Variants in DDX17 observed in about 807,000 individuals in gnomAD.
The protein encoded by DDX17 is DEAD-box helicase 17, also known as probable ATP-dependent RNA helicase DDX17.
Under a neutral mutation model 80.8 loss-of-function variants are expected in DDX17, and 10 were observed. The ratio of observed to expected loss-of-function variants is 0.12; its 90% CI spans 0.08 to 0.21. The LOEUF is 0.21. DDX17 is among the 10% of genes least tolerant of loss of function. The pLI is 1.00. For synonymous variants in DDX17, 339 were observed against 336.2 expected, an observed-to-expected ratio of 1.01 and a Z score of -0.09; for missense variants, 586 against 957.4, an observed-to-expected ratio of 0.61 and a Z score of 5.12.
At chr22:38,493,183 T>C (rs1261647050) in intron 10 of DDX17, among the ~76,000 whole-genome samples, 1 of 152,160 alleles carries the variant, frequency 6.6e-6, no homozygotes, top group Non-Finnish European at 1.5e-5. Context: ...TGTCTGAACA[T>C]AGCCACGTTT....
At chr22:38,496,331 A>G (rs1253132315) in intron 5 of DDX17, among the ~76,000 whole-genome samples, 5 of 152,142 alleles carry the variant, frequency 3.3e-5, no homozygotes, top group Non-Finnish European at 7.4e-5. Context: ...TGAGGATCAT[A>G]TTGGTCCTCA....
In DDX17 at chr22:38,498,494, A is replaced by G; in HGVS notation, c.618T>C (p.Leu206=). 1 of 1,614,140 alleles carries G rather than the reference A, an allele frequency of 6.2e-7. No individual in the cohort carries two copies. Among genetic ancestry groups the G allele is most frequent in the Non-Finnish European group, 8.5e-7 (1 of 1,180,012 alleles). Residue 206 remains leucine, a synonymous_variant, in exon 4 of 13, where the codon CTT becomes CTC. Transcript: ENST00000403230. ...CAATGCCCACCATATCCCGGCCACT[A>G]AGAGCCAACGGAAATCCCTGGCACT...
intron 11 of DDX17, chr22:38,491,795 G>A (rs1403045724): frequency 7.9e-6 from 3 of 379,590 alleles, no homozygotes; most frequent in Non-Finnish European, 1.4e-5. Flanking sequence ...TCATGCCTAG[G>A]CCTTGCTGCA....
intron 11 of DDX17, chr22:38,488,328 G>A: frequency 7.0e-7 from 1 of 1,434,492 alleles, no homozygotes; most frequent in Non-Finnish European, 9.1e-7. Flanking sequence ...TAGGAAATAG[G>A]ATCTTTATTG....
chr22:38,485,695 T>TA lies in DDX17; in HGVS notation c.*239_*240insT, dbSNP rs1491238682. The stretch of plus-strand genomic sequence containing the variant: ...AGTCAGCTATATATATATATATATA[T>TA]TTTTTTTTTTTTTACAAAATGTTAT... On this transcript the variant is annotated 3_prime_UTR_variant, in exon 13 of 13. Transcript: ENST00000403230. 0.024 allele frequency: 191 copies of TA among 7,970 alleles called. 1 individual carries two copies. Among genetic ancestry groups the TA allele is most frequent in the South Asian group, 0.21 (6 of 28 alleles). The allele number at this position is 7,970 out of a possible 1,614,324, so 0.5% of individuals were successfully genotyped here. A position where few individuals can be genotyped will look rare whatever the true frequency, so the allele number is the denominator to read the frequency against.
Position 38,489,052 on chromosome 22 carries a change from G to C in DDX17, c.1448-937C>G. ...TGTAAATGTTAGTGTAATGCTTTCA[G>C]CTGAATGTATATTTTTACCTACTTA... is the stretch of plus-strand genomic sequence containing the variant. On this transcript the variant is annotated intron_variant, in intron 11 of 12. Coordinates refer to ENST00000403230, the MANE Select transcript of DDX17 (RefSeq NM_006386.5). This position sits in a 1 kb window ranked among gnomAD's most constrained non-coding sequence, Gnocchi z 4.6. 2.0e-6 allele frequency: 2 copies of C among 984,154 alleles called. No homozygotes were observed. Among genetic ancestry groups the C allele is most frequent in the South Asian group, 9.4e-5 (2 of 21,254 alleles). 61.0% of individuals were successfully genotyped at this position (984,154 alleles called of 1,614,324 possible). A position where few individuals can be genotyped will look rare whatever the true frequency, so the allele number is the denominator to read the frequency against.
intron 6 of DDX17, among the ~76,000 whole-genome samples, 164 bp from the exon 7 acceptor site, chr22:38,495,210 A>T (rs1569139815): frequency 1.3e-5 from 2 of 151,144 alleles, no homozygotes; most frequent in African/African-American, 2.4e-5. Context: ...CAGCAGCAGC[A>T]GCCCTGGTGG....
At chr22:38,499,721 A>G (rs1231157854) in intron 2 of DDX17, among the ~76,000 whole-genome samples, 1 of 152,220 alleles carries the variant, frequency 6.6e-6, no homozygotes, top group Admixed American at 6.5e-5. Context: ...TTTCTATAGG[A>G]GAAAAAAGAT....
chr22:38,486,462 AT>A, intron 12 of DDX17, 22 bp from the exon 13 acceptor site: 1 of 1,569,050 alleles, frequency 6.4e-7, no homozygotes, highest in Non-Finnish European at 8.6e-7. Flanking sequence ...ATACAAGAAG[AT>A]TTTTAATGGC....
chr22:38,497,099 C>T (rs2089775883), intron 5 of DDX17, among the ~76,000 whole-genome samples: 1 of 151,300 alleles, frequency 6.6e-6, no homozygotes, highest in Admixed American at 6.6e-5. Flanking sequence ...AGTTCGAGAC[C>T]AGTCTGGCCA....
chr22:38,498,162 G>C lies in DDX17; in HGVS notation c.673-12C>G. ...GCAGGCAGGAGATACTGTGGAGGGG[G>C]GAAAGAATGACAACCTTACGCTTAG... On this transcript the variant is annotated splice_polypyrimidine_tract_variant and intron_variant, in intron 4 of 12. Transcript: ENST00000403230. 1.2e-6 allele frequency: 2 copies of C among 1,613,278 alleles called. No individual in the cohort carries two copies. The highest frequency in any genetic ancestry group is 1.7e-6 in the Non-Finnish European group (2 of 1,179,550).
intron 12 of DDX17, among the ~76,000 whole-genome samples, chr22:38,486,858 G>C (rs1042433792): frequency 6.6e-6 from 1 of 152,042 alleles, no homozygotes. Context: ...ATACTACTAA[G>C]CATTTTTGAA....
At chr22:38,491,349 TAGA>T (rs2089711855) in intron 11 of DDX17, 1 of 152,182 alleles carries the variant, frequency 6.6e-6, no homozygotes, top group Non-Finnish European at 1.5e-5. Flanking sequence ...TTTTAAAATA[TAGA>T]AGTTCTGAGT....
intron 8 of DDX17, 52 bp from the exon 9 acceptor site, chr22:38,494,183 C>T (rs775069130): frequency 1.6e-6 from 2 of 1,244,732 alleles, no homozygotes; most frequent in Non-Finnish European, 2.3e-6. Context: ...ATTATGTGGA[C>T]GATTATGTCT....
At chr22:38,492,776 G>A (rs983569035) in intron 10 of DDX17, among the ~76,000 whole-genome samples, 1 of 152,122 alleles carries the variant, frequency 6.6e-6, no homozygotes, top group African/African-American at 2.4e-5. Context: ...GTGAGCCACT[G>A]TGTCCGGCCA....
intron 1 of DDX17, among the ~76,000 whole-genome samples, chr22:38,504,066 G>T (rs956539517): frequency 7.2e-5 from 11 of 152,130 alleles, no homozygotes; most frequent in African/African-American, 2.7e-4. Flanking sequence ...AAACACCAAT[G>T]GTAAAGAAAT....
Position 38,489,388 on chromosome 22 carries a change from C to T in DDX17, c.1448-1273G>A, listed in dbSNP as rs2089692169. The T allele has an allele frequency of 4.1e-6, 4 of 985,794 alleles. No homozygotes were observed. The highest frequency in any genetic ancestry group is 4.8e-6 in the Non-Finnish European group (4 of 829,932). The allele number at this position is 985,794 out of a possible 1,614,324, so 61.1% of individuals were successfully genotyped here. A position where few individuals can be genotyped will look rare whatever the true frequency, so the allele number is the denominator to read the frequency against. ...GGTCCGTGGCAGTGAGAAGTCCCCACACACGCTCGCTCTGTGAACTGGCTT... is the reference window on the plus strand; with the variant it reads ...GGTCCGTGGCAGTGAGAAGTCCCCATACACGCTCGCTCTGTGAACTGGCTT... On this transcript the variant is annotated intron_variant, in intron 11 of 12. Coordinates refer to ENST00000403230, the MANE Select transcript of DDX17 (RefSeq NM_006386.5). The surrounding 1 kb of genome is among the most constrained non-coding windows in gnomAD (Gnocchi z 4.6).
At chr22:38,487,468 A>G (rs939816506) in intron 12 of DDX17, among the ~76,000 whole-genome samples, 1 of 151,986 alleles carries the variant, frequency 6.6e-6, no homozygotes, top group African/African-American at 2.4e-5. Flanking sequence ...AAAATACAAA[A>G]ATTAGCAGGG....
chr22:38,501,314 T>A, intron 1 of DDX17, 34 bp from the exon 2 acceptor site: 3 of 1,594,090 alleles, frequency 1.9e-6, no homozygotes, highest in Non-Finnish European at 2.6e-6. Flanking sequence ...TTCATCAGTA[T>A]TTTTAAAGCA....
Sources: allele counts gnomAD v4.1 joint callset (sites outside exome capture counted in the v4.1 genomes callset), GRCh38; gene constraint gnomAD v4.1.1; non-coding constraint Gnocchi (gnomAD v3.1); transcripts MANE v1.5; gene names NCBI Gene and HGNC (gene_info 2026-07-23, HGNC 2026-07-21).